AUTS2: variants seen among roughly 807,000 people sequenced by gnomAD.
The protein encoded by AUTS2 is activator of transcription and developmental regulator AUTS2, also known as autism susceptibility gene 2 protein.
AUTS2 carries 17 observed loss-of-function variants against 112.4 expected under a neutral mutation model. That is an observed-to-expected ratio of 0.15 (90% CI 0.10 to 0.23). AUTS2 has a LOEUF of 0.23. Among genes scored for constraint, AUTS2 ranks in the 10% least tolerant of loss-of-function variants. AUTS2 has a pLI of 1.00. For synonymous variants in AUTS2, 751 were observed against 702.7 expected, an observed-to-expected ratio of 1.07 and a Z score of -1.09; for missense variants, 1,510 against 1,701.6, an observed-to-expected ratio of 0.89 and a Z score of 1.98.
intron 2 of AUTS2, among the ~76,000 whole-genome samples, chr7:70,087,995 T>C (rs1427590436): frequency 6.6e-6 from 1 of 152,150 alleles, no homozygotes; most frequent in East Asian, 1.9e-4. Context: ...AAATCTGTGC[T>C]GTTGTAACCT....
chr7:69,899,670 G>C (rs1435582284), intron 2 of AUTS2, among the ~76,000 whole-genome samples, 172 bp downstream of exon 2: 3 of 152,178 alleles, frequency 2.0e-5, no homozygotes, highest in Non-Finnish European at 4.4e-5. Flanking sequence ...CCCAATCTCA[G>C]CTCTTTCTAT....
chr7:69,768,043 T>G (rs1040589981), intron 1 of AUTS2, among the ~76,000 whole-genome samples: 5 of 152,208 alleles, frequency 3.3e-5, no homozygotes, highest in Admixed American at 1.3e-4. Context: ...AAGTGCTATT[T>G]TTTAGTCCTA....
At chr7:70,663,677 A>C (rs528522347) in intron 5 of AUTS2, among the ~76,000 whole-genome samples, 41 of 152,180 alleles carry the variant, frequency 2.7e-4, no homozygotes, top group African/African-American at 9.4e-4. Context: ...AGAACTAGTC[A>C]TGTGACCTTA....
At chr7:69,975,961 A>T (rs1798042929) in intron 2 of AUTS2, among the ~76,000 whole-genome samples, 1 of 152,162 alleles carries the variant, frequency 6.6e-6, no homozygotes, top group Non-Finnish European at 1.5e-5. Context: ...TACAGGCTTG[A>T]ACCATCTCGC....
intron 11 of AUTS2, 53 bp downstream of exon 11, chr7:70,771,697 G>A: frequency 6.6e-7 from 1 of 1,525,234 alleles, no homozygotes; most frequent in Admixed American, 1.7e-5. Context: ...TGGCGTCCCG[G>A]GCCAGGCGTG....
intron 5 of AUTS2, among the ~76,000 whole-genome samples, chr7:70,532,115 A>T (rs1800121032): frequency 6.6e-6 from 1 of 152,206 alleles, no homozygotes; most frequent in Non-Finnish European, 1.5e-5. Flanking sequence ...CCCAGGCTTC[A>T]CTGCATGGCA....
intron 1 of AUTS2, among the ~76,000 whole-genome samples, chr7:69,618,804 A>G (rs1330808248): frequency 6.6e-6 from 1 of 152,158 alleles, no homozygotes. Context: ...TTTTCTTAAA[A>G]TTGTAGGTTA....
chr7:70,781,495 A>C (rs1791077485), intron 14 of AUTS2, 120 bp from the exon 15 acceptor site: 2 of 1,240,204 alleles, frequency 1.6e-6, no homozygotes, highest in Non-Finnish European at 1.1e-6. Context: ...GCTTTCTCTC[A>C]CAGTGTTTGT....
chr7:70,471,964 G>C (rs1012548371), intron 5 of AUTS2, among the ~76,000 whole-genome samples: 1 of 152,124 alleles, frequency 6.6e-6, no homozygotes, highest in African/African-American at 2.4e-5. Context: ...AGCACTGGGA[G>C]ATGAGGGCAG....
rs531586113 is a variant in AUTS2 at position 70,693,935 on chromosome 7, A to T, written c.691-4634A>T. The stretch of plus-strand genomic sequence containing the variant: ...TGGGGACCGCGCCTCCGCTGGGCCG[A>T]CCCGGCGCCGGGGACGAGAGGAGGG... On this transcript the variant is annotated intron_variant, in intron 5 of 18. Transcript: ENST00000342771. 4.6e-5 allele frequency: 7 copies of T among 151,748 alleles called. No individual in the cohort carries two copies. In the East Asian group the frequency reaches 1.4e-3, roughly 30 times the overall value. 9.4% of individuals were successfully genotyped at this position (151,748 alleles called of 1,614,324 possible). A position where few individuals can be genotyped will look rare whatever the true frequency, so the allele number is the denominator to read the frequency against.
chr7:70,639,727 C>T (rs192090556), intron 5 of AUTS2, among the ~76,000 whole-genome samples: 217 of 150,912 alleles, frequency 1.4e-3, no homozygotes, highest in African/African-American at 5.2e-3. Context: ...TTACTTGCCT[C>T]AGTTTCCCTA....
chr7:69,652,749 C>A (rs1795351827), intron 1 of AUTS2, among the ~76,000 whole-genome samples: 1 of 151,936 alleles, frequency 6.6e-6, no homozygotes. Context: ...GAAATTTAGA[C>A]CATGTAGGTC....
At chr7:70,155,323 G>A (rs974747414) in intron 4 of AUTS2, among the ~76,000 whole-genome samples, 1 of 152,114 alleles carries the variant, frequency 6.6e-6, no homozygotes, top group Non-Finnish European at 1.5e-5. Flanking sequence ...GGAAGTTGGG[G>A]CCAGGAGGTA....
intron 5 of AUTS2, among the ~76,000 whole-genome samples, chr7:70,657,523 T>A (rs570903265): frequency 1.6e-4 from 24 of 152,362 alleles, no homozygotes; most frequent in African/African-American, 5.8e-4. Flanking sequence ...GCTAAGCAGC[T>A]GGATAACTGA....
intron 5 of AUTS2, among the ~76,000 whole-genome samples, chr7:70,490,269 T>C (rs1288186915): frequency 6.6e-6 from 1 of 151,926 alleles, no homozygotes; most frequent in Non-Finnish European, 1.5e-5. Context: ...AACCTGTAGC[T>C]AGAATGAACG....
chr7:69,599,667 C>G lies in AUTS2; in HGVS notation c.14C>G (p.Thr5Arg), dbSNP rs1437173224. The G allele has an allele frequency of 1.5e-6, 2 of 1,306,628 alleles. No individual in the cohort carries two copies. Among genetic ancestry groups the G allele is most frequent in the East Asian group, 3.1e-5 (1 of 32,154 alleles). The allele number at this position is 1,306,628 out of a possible 1,614,324, so 80.9% of individuals were successfully genotyped here. A position where few individuals can be genotyped will look rare whatever the true frequency, so the allele number is the denominator to read the frequency against. The change falls in exon 1 of 19, where the codon ACG (threonine) becomes AGG (arginine). Residue 5 changes from threonine to arginine, a missense_variant. Physicochemically the swap from Thr to Arg is moderately conservative, Grantham distance 71 (BLOSUM62 -1). Coordinates refer to ENST00000342771, the MANE Select transcript of AUTS2 (RefSeq NM_015570.4). The surrounding 1 kb of genome is among the most constrained non-coding windows in gnomAD (Gnocchi z 7.0). Reference sequence around the variant, plus strand: ...CGCAGCAGAACCATGGATGGCCCGACGCGGGGCCATGGACTCCGCAAAAAG... The same window carrying G: ...CGCAGCAGAACCATGGATGGCCCGAGGCGGGGCCATGGACTCCGCAAAAAG... Reference protein sequence around the residue: MDGPTRGHGLRKKRR... With the variant: MDGPRRGHGLRKKRR...
At chr7:69,757,662 C>T (rs1303310988) in intron 1 of AUTS2, among the ~76,000 whole-genome samples, 1 of 152,016 alleles carries the variant, frequency 6.6e-6, no homozygotes, top group Non-Finnish European at 1.5e-5. Flanking sequence ...AATTGTTACC[C>T]CCTCCTTGTT....
intron 4 of AUTS2, among the ~76,000 whole-genome samples, chr7:70,370,048 G>A (rs1369990393): frequency 1.3e-5 from 2 of 152,150 alleles, no homozygotes; most frequent in Admixed American, 1.3e-4. Context: ...CCTTGCAAGG[G>A]CTGTGACCAA....
chr7:69,905,974 T>C (rs970823164), intron 2 of AUTS2, among the ~76,000 whole-genome samples: 2 of 152,204 alleles, frequency 1.3e-5, no homozygotes, highest in Admixed American at 6.5e-5. Flanking sequence ...AAATTTTATA[T>C]GTGTATTTGT....
Sources: allele counts gnomAD v4.1 joint callset (sites outside exome capture counted in the v4.1 genomes callset), GRCh38; gene constraint gnomAD v4.1.1; non-coding constraint Gnocchi (gnomAD v3.1); transcripts MANE v1.5; gene names NCBI Gene and HGNC (gene_info 2026-07-23, HGNC 2026-07-21).